The following TRIQK variants were observed in gnomAD, a reference collection of about 807,000 sequenced individuals.
TRIQK encodes the protein triple QxxK/R motif-containing protein.
Under a neutral mutation model 10.8 loss-of-function variants are expected in TRIQK, and 10 were observed. The ratio of observed to expected loss-of-function variants is 0.92; its 90% CI spans 0.57 to 1.57. TRIQK has a LOEUF of 1.57. Ranked by LOEUF, TRIQK falls within the 40% of genes most tolerant of loss-of-function variation. TRIQK has a pLI of 0.00. For synonymous variants in TRIQK, 33 were observed against 33.7 expected (o/e 0.98, Z 0.07); for missense variants, 107 against 97.7 (o/e 1.09, Z -0.40).
At chr8:93,002,977 A>G (rs1440783135) in intron 1 of TRIQK, among the ~76,000 whole-genome samples, 2 of 152,062 alleles carry the variant, frequency 1.3e-5, no homozygotes, top group East Asian at 3.9e-4. Context: ...AGCTCATTCT[A>G]CAAGGCCAGC....
chr8:92,942,634 G>C (rs1206638565), intron 2 of TRIQK, among the ~76,000 whole-genome samples: 1 of 152,138 alleles, frequency 6.6e-6, no homozygotes, highest in Non-Finnish European at 1.5e-5. Flanking sequence ...ATCTTACATG[G>C]AGAAAATACT....
intron 3 of TRIQK, among the ~76,000 whole-genome samples, chr8:92,898,821 A>AGG (rs1420690483): frequency 5.5e-4 from 58 of 106,070 alleles, no homozygotes; most frequent in African/African-American, 2.0e-3. Flanking sequence ...GGTACATAAT[A>AGG]GGTGTGTGTG....
At chr8:92,971,537 C>T (rs893355889) in intron 1 of TRIQK, among the ~76,000 whole-genome samples, 11 of 152,052 alleles carry the variant, frequency 7.2e-5, no homozygotes, top group Admixed American at 7.2e-4. Context: ...AATGAACTTC[C>T]ATTCACAATT....
chr8:92,935,295 G>T (rs1276156294), intron 2 of TRIQK, among the ~76,000 whole-genome samples: 1 of 151,736 alleles, frequency 6.6e-6, no homozygotes, highest in Non-Finnish European at 1.5e-5. Context: ...GATCAATGTT[G>T]TGAACTACAA....
chr8:92,890,089 T>C (rs1386713246), intron 4 of TRIQK, among the ~76,000 whole-genome samples: 1 of 151,738 alleles, frequency 6.6e-6, no homozygotes, highest in South Asian at 2.1e-4. Flanking sequence ...ATAAAATCAC[T>C]CACTGGGGAA....
intron 1 of TRIQK, among the ~76,000 whole-genome samples, chr8:92,962,742 T>G (rs1300025588): frequency 6.6e-6 from 1 of 152,198 alleles, no homozygotes; most frequent in African/African-American, 2.4e-5. Flanking sequence ...TAACCCATTA[T>G]AAACCACTAA....
intron 1 of TRIQK, chr8:92,963,371 T>C (rs1199853423): frequency 5.3e-5 from 8 of 151,884 alleles, no homozygotes; most frequent in African/African-American, 1.9e-4. Context: ...CAGATTTCTA[T>C]ATGAATATAG....
At chr8:92,953,227 T>C (rs560854142) in intron 2 of TRIQK, among the ~76,000 whole-genome samples, 15 of 152,140 alleles carry the variant, frequency 9.9e-5, no homozygotes, top group African/African-American at 3.6e-4. Context: ...TAGGAACTGT[T>C]AATGCCTAGC....
At chr8:92,918,443 T>C (rs1439709836) in intron 2 of TRIQK, among the ~76,000 whole-genome samples, 1 of 152,090 alleles carries the variant, frequency 6.6e-6, no homozygotes, top group Non-Finnish European at 1.5e-5. Flanking sequence ...GATATCTCAC[T>C]GTGCTTTCAA....
intron 2 of TRIQK, among the ~76,000 whole-genome samples, chr8:92,924,829 C>T (rs921989075): frequency 1.3e-5 from 2 of 151,882 alleles, no homozygotes; most frequent in Non-Finnish European, 2.9e-5. Flanking sequence ...CAAGTTATTA[C>T]ACTGAGGAAC....
intron 1 of TRIQK, among the ~76,000 whole-genome samples, chr8:93,005,639 G>A (rs552414158): frequency 8.5e-4 from 130 of 152,184 alleles, no homozygotes; most frequent in African/African-American, 3.0e-3. Flanking sequence ...AACAAATTAG[G>A]TATAGAAGGT....
chr8:92,889,607 GACTT>G (rs1205011049), intron 4 of TRIQK, among the ~76,000 whole-genome samples: 4 of 151,548 alleles, frequency 2.6e-5, no homozygotes, highest in Non-Finnish European at 4.4e-5. Context: ...CTGAAGGAGA[GACTT>G]ACTTACACAA....
At chr8:92,953,274 T>C (rs1366377919) in intron 2 of TRIQK, 1 of 152,036 alleles carries the variant, frequency 6.6e-6, no homozygotes, top group Non-Finnish European at 1.5e-5. Flanking sequence ...TCTGGATTCA[T>C]TGATCATTCA....
intron 1 of TRIQK, among the ~76,000 whole-genome samples, chr8:92,985,648 C>G (rs1813023793): frequency 6.6e-6 from 1 of 152,148 alleles, no homozygotes; most frequent in Non-Finnish European, 1.5e-5. Context: ...TTTCACCAGG[C>G]CAGGTTGTCA....
chr8:92,916,171 G>T (rs968048113), intron 3 of TRIQK, among the ~76,000 whole-genome samples: 9 of 152,094 alleles, frequency 5.9e-5, no homozygotes, highest in African/African-American at 2.2e-4. Flanking sequence ...TGCAGTTATA[G>T]GATATTGATT....
intron 1 of TRIQK, among the ~76,000 whole-genome samples, chr8:93,002,088 A>G (rs560330846): frequency 2.0e-5 from 3 of 152,316 alleles, no homozygotes; most frequent in South Asian, 2.1e-4. Flanking sequence ...GGAAATTGCA[A>G]TACAGCATAC....
chr8:92,960,711 C>T (rs1006631379), intron 1 of TRIQK: 1 of 152,242 alleles, frequency 6.6e-6, no homozygotes, highest in Admixed American at 6.5e-5. Flanking sequence ...TGTGAGCAGC[C>T]TCCAGAAACT....
intron 1 of TRIQK, among the ~76,000 whole-genome samples, chr8:92,980,779 C>G (rs1305364005): frequency 1.3e-5 from 2 of 151,424 alleles, no homozygotes; most frequent in Non-Finnish European, 3.0e-5. Context: ...TGTGTTTCTC[C>G]TTTAGTTTTT....
chr8:92,997,295 T>G (rs1477063898), intron 1 of TRIQK, among the ~76,000 whole-genome samples: 1 of 151,958 alleles, frequency 6.6e-6, no homozygotes, highest in Admixed American at 6.6e-5. Context: ...CTTTAGGAAA[T>G]TTTCAAAAAT....
Sources: allele counts gnomAD v4.1 joint callset (sites outside exome capture counted in the v4.1 genomes callset), GRCh38; gene constraint gnomAD v4.1.1; transcripts MANE v1.5; gene names NCBI Gene and HGNC (gene_info 2026-07-23, HGNC 2026-07-21).